The following RFX2 variants were observed in gnomAD, a reference collection of about 807,000 sequenced individuals.
RFX2 encodes DNA-binding protein RFX2.
In RFX2, 20 loss-of-function variants were observed where a neutral mutation model predicts 87.8. The observed-to-expected ratio is 0.23, with a 90% CI of 0.16 to 0.33. RFX2 has a LOEUF of 0.33. RFX2 is among the 10% of genes least tolerant of loss of function. The probability of loss-of-function intolerance (pLI) is 1.00; values close to 1 mark genes in which losing one functional copy is unlikely to be tolerated. For missense variants in RFX2, 767 were observed against 1,012.3 expected, an observed-to-expected ratio of 0.76 and a Z score of 3.29; for synonymous variants, 397 against 431.3, an observed-to-expected ratio of 0.92 and a Z score of 0.98.
At chr19:6,107,478 G>T (rs939451182) in intron 1 of RFX2, among the ~76,000 whole-genome samples, 2 of 151,810 alleles carry the variant, frequency 1.3e-5, no homozygotes, top group African/African-American at 4.8e-5. Context: ...TTAGCCGGGT[G>T]TGGGGGTGCA....
rs1281185544 is a variant in RFX2 at position 6,050,154 on chromosome 19, T to A, written c.-8-2650A>T. 3.3e-5 allele frequency among the ~76,000 whole-genome samples: 5 copies of A among 152,136 alleles called. No homozygotes were observed. Among genetic ancestry groups the A allele is most frequent in the Admixed American group, 3.3e-4 (5 of 15,268 alleles). On this transcript the variant is annotated intron_variant, in intron 1 of 17. Coordinates refer to ENST00000303657, the MANE Select transcript of RFX2 (RefSeq NM_000635.4). The surrounding 1 kb of genome is among the most constrained non-coding windows in gnomAD (Gnocchi z 4.6). ...AACCAGCAGTGCAAAGATAAAAAAATTAAGTGAAGATTTCAGCTGCTGCCT... is the reference window on the plus strand; with the variant it reads ...AACCAGCAGTGCAAAGATAAAAAAAATAAGTGAAGATTTCAGCTGCTGCCT...
At chr19:5,995,087 C>T (rs1024387813) in intron 17 of RFX2, 137 bp from the exon 18 acceptor site, 21 of 685,380 alleles carry the variant, frequency 3.1e-5, no homozygotes, top group East Asian at 8.2e-5. Flanking sequence ...GACCCCACCT[C>T]GGCCTCTGCT....
Position 5,994,654 on chromosome 19 carries a change from G to A in RFX2, c.*181C>T. 1 of 592,410 alleles carries A rather than the reference G, an allele frequency of 1.7e-6. No individual in the cohort carries two copies. Among genetic ancestry groups the A allele is most frequent in the Non-Finnish European group, 3.0e-6 (1 of 331,506 alleles). The allele number at this position is 592,410 out of a possible 1,614,324, so 36.7% of individuals were successfully genotyped here. A position where few individuals can be genotyped will look rare whatever the true frequency, so the allele number is the denominator to read the frequency against. On this transcript the variant is annotated 3_prime_UTR_variant, in exon 18 of 18. Coordinates refer to ENST00000303657, the MANE Select transcript of RFX2 (RefSeq NM_000635.4). ...ACAGCCAGTGGGAGCCCTGGCCTGG[G>A]CTTCTGTAGCTTCAACAACTGCTTT...
At position 6,002,681 on chromosome 19, in the gene RFX2, C is replaced by T. The variant is rs750817145; in HGVS notation, c.1650+40G>A. On this transcript the variant is annotated intron_variant, in intron 14 of 17. Coordinates refer to ENST00000303657, the MANE Select transcript of RFX2 (RefSeq NM_000635.4). The surrounding 1 kb of genome is among the most constrained non-coding windows in gnomAD (Gnocchi z 6.7). The stretch of plus-strand genomic sequence containing the variant: ...TGGGTTTGCTGGTTTTGCTGGAGGG[C>T]GGGAAGCCCGGGCCCTGGGGACGGT... The T allele has an allele frequency of 1.3e-5, 21 of 1,605,270 alleles. No homozygotes were observed. Among genetic ancestry groups the T allele is most frequent in the East Asian group, 2.2e-5 (1 of 44,754 alleles).
intron 1 of RFX2, among the ~76,000 whole-genome samples, chr19:6,084,727 T>TG (rs772494279): frequency 8.6e-5 from 13 of 151,296 alleles, no homozygotes; most frequent in Admixed American, 2.0e-4. Context: ...CTCTGCCTCC[T>TG]GGGTTCAAGT....
intron 5 of RFX2, among the ~76,000 whole-genome samples, chr19:6,037,043 G>C (rs1195315359): frequency 6.6e-6 from 1 of 152,162 alleles, no homozygotes; most frequent in Admixed American, 6.5e-5. Flanking sequence ...CCAGCACTTT[G>C]GGAGGCCGAG....
chr19:6,000,132 C>G (rs941872525), intron 15 of RFX2, among the ~76,000 whole-genome samples: 4 of 151,980 alleles, frequency 2.6e-5, no homozygotes, highest in Non-Finnish European at 4.4e-5. Flanking sequence ...TTTCAGGTGC[C>G]CACCACCACG....
rs547020237 is a variant in RFX2, at chr19:6,023,564, C to T, written c.597+2599G>A. Among the ~76,000 whole-genome samples, 5 of 152,270 alleles carry T rather than the reference C, an allele frequency of 3.3e-5. No individual in the cohort carries two copies. Among genetic ancestry groups the T allele is most frequent in the Admixed American group, 1.3e-4 (2 of 15,302 alleles). On this transcript the variant is annotated intron_variant, in intron 6 of 17. Coordinates refer to ENST00000303657, the MANE Select transcript of RFX2 (RefSeq NM_000635.4). The surrounding 1 kb of genome is among the most constrained non-coding windows in gnomAD (Gnocchi z 4.9). ...TTCCTTTGCTTCGAGTCACCAAGCC[C>T]GGAATCTTACTGATCACAGCTCATG...
Position 6,063,612 on chromosome 19 carries a change from A to T in RFX2, c.-8-16108T>A, listed in dbSNP as rs1203178912. On this transcript the variant is annotated intron_variant, in intron 1 of 17. Transcript: ENST00000303657. This position sits in a 1 kb window ranked among gnomAD's most constrained non-coding sequence, Gnocchi z 4.0. ...GTTGAAGAAGGAGGGAGGCAGAGAGACAGCAGCCAGCAGCTCCAAAGGGGA... is the reference window on the plus strand; with the variant it reads ...GTTGAAGAAGGAGGGAGGCAGAGAGTCAGCAGCCAGCAGCTCCAAAGGGGA... Among the ~76,000 whole-genome samples the T allele has an allele frequency of 6.6e-6, 1 of 152,160 alleles. No individual in the cohort carries two copies. Among genetic ancestry groups the T allele is most frequent in the Non-Finnish European group, 1.5e-5 (1 of 67,996 alleles).
At chr19:6,048,651 A>T (rs17842398) in intron 1 of RFX2, among the ~76,000 whole-genome samples, 2,136 of 152,288 alleles carry the variant, frequency 0.014, 39 homozygotes, top group African/African-American at 0.048. Context: ...AGAACACAAT[A>T]GACATTTGCT....
At chr19:6,089,124 G>A (rs1304693575) in intron 1 of RFX2, among the ~76,000 whole-genome samples, 1 of 152,196 alleles carries the variant, frequency 6.6e-6, no homozygotes, top group Non-Finnish European at 1.5e-5. Context: ...GGGCTAGTTT[G>A]CCCACTCTGT....
chr19:6,039,831 C>G lies in RFX2; in HGVS notation c.522+149G>C, dbSNP rs958528875. 4 of 918,322 alleles carry G rather than the reference C, an allele frequency of 4.4e-6. No homozygotes were observed. The Admixed American group carries it at 1.2e-4, about 28-fold the overall frequency. 56.9% of individuals were successfully genotyped at this position (918,322 alleles called of 1,614,324 possible). ...CTATGGTTGCGTGGCCCGTCTGAGG[C>G]TGGCCCGACTCCATCGTGGGGCCGC... On this transcript the variant is annotated intron_variant, in intron 5 of 17. Coordinates refer to ENST00000303657, the MANE Select transcript of RFX2 (RefSeq NM_000635.4). This position sits in a 1 kb window ranked among gnomAD's most constrained non-coding sequence, Gnocchi z 5.2.
At chr19:6,062,980 T>C (rs2144813019) in intron 1 of RFX2, among the ~76,000 whole-genome samples, 1 of 152,238 alleles carries the variant, frequency 6.6e-6, no homozygotes, top group African/African-American at 2.4e-5. Flanking sequence ...CAGAGACCAA[T>C]GTCACCTGTC....
rs916259966 is a variant in RFX2, at chr19:6,027,695, T to G, written c.523-1458A>C. 6.6e-6 allele frequency among the ~76,000 whole-genome samples: 1 copy of G among 152,204 alleles called. No individual in the cohort carries two copies. The highest frequency in any genetic ancestry group is 6.5e-5 in the Admixed American group (1 of 15,284). On this transcript the variant is annotated intron_variant, in intron 5 of 17. Transcript: ENST00000303657. This position sits in a 1 kb window ranked among gnomAD's most constrained non-coding sequence, Gnocchi z 5.0. Reference sequence around the variant, plus strand: ...AACATAGTGGGTCTCAATCATTTGGTCTATTAAAAAATACACTATTACAAA... The same window carrying G: ...AACATAGTGGGTCTCAATCATTTGGGCTATTAAAAAATACACTATTACAAA...
At chr19:6,097,579 TTTATTA>T (rs2088048153) in intron 1 of RFX2, among the ~76,000 whole-genome samples, 1 of 150,570 alleles carries the variant, frequency 6.6e-6, no homozygotes, top group Admixed American at 6.6e-5. Context: ...ATGGCAACCC[TTTATTA>T]TTATTAATTA....
At position 5,994,939 on chromosome 19, in the gene RFX2, C is replaced by T. The variant is rs752898255; in HGVS notation, c.2068G>A (p.Asp690Asn). Residue 690 changes from aspartate (D) to asparagine (N), a missense_variant, in exon 18 of 18, where the codon GAT becomes AAT. Physicochemically the swap from Asp to Asn is conservative, Grantham distance 23 (BLOSUM62 1). Coordinates refer to ENST00000303657, the MANE Select transcript of RFX2 (RefSeq NM_000635.4). ...CCCGCCTCGCTGCCACGCTGCTCAT[C>T]GCCCATGTCATCTGCGGAGGGAGGG... ...LTLLDKDDMG[D>N]EQRGSEAGPD... 6.2e-6 allele frequency: 10 copies of T among 1,606,908 alleles called. No individual in the cohort carries two copies. The African/African-American group carries it at 8.0e-5, about 13-fold the overall frequency.
chr19:6,051,793 A>C (rs1430094480), intron 1 of RFX2, among the ~76,000 whole-genome samples: 1 of 152,240 alleles, frequency 6.6e-6, no homozygotes, highest in Non-Finnish European at 1.5e-5. Context: ...CCCTAAAAGA[A>C]ACCCTCCTTA....
rs554480518 is a variant in RFX2 at position 6,016,017 on chromosome 19, C to A, written c.779+73G>T. 9 of 1,423,726 alleles carry A rather than the reference C, an allele frequency of 6.3e-6. No homozygotes were observed. The highest frequency in any genetic ancestry group is 6.6e-6 in the Non-Finnish European group (7 of 1,055,542). The allele number at this position is 1,423,726 out of a possible 1,614,324, so 88.2% of individuals were successfully genotyped here. On this transcript the variant is annotated intron_variant, in intron 7 of 17. Coordinates refer to ENST00000303657, the MANE Select transcript of RFX2 (RefSeq NM_000635.4). The surrounding 1 kb of genome is among the most constrained non-coding windows in gnomAD (Gnocchi z 5.4). ...CCACCTGGAAAGGAGGAGGAAGCCT[C>A]GCATTTTCCCAAAAGCTCCATTTCT...
In RFX2 at chr19:6,011,134, T is replaced by TAA. The variant is rs1568504853; in HGVS notation, c.900-885_900-884dup. Among the ~76,000 whole-genome samples the TAA allele has an allele frequency of 2.2e-5, 3 of 135,822 alleles. No homozygotes were observed. The highest frequency in any genetic ancestry group is 1.1e-4 in the African/African-American group (3 of 26,484). The allele number at this position is 135,822 out of a possible 152,430, so 89.1% of individuals were successfully genotyped here. A position where few individuals can be genotyped will look rare whatever the true frequency, so the allele number is the denominator to read the frequency against. ...TCGGTCTCAAAAAAAATAAATAAAT[T>TAA]AATTAAAATAAAATAAAATAAAATA... On this transcript the variant is annotated intron_variant, in intron 8 of 17. Transcript: ENST00000303657. The surrounding 1 kb of genome is among the most constrained non-coding windows in gnomAD (Gnocchi z 4.8).
Sources: allele counts gnomAD v4.1 joint callset (sites outside exome capture counted in the v4.1 genomes callset), GRCh38; gene constraint gnomAD v4.1.1; non-coding constraint Gnocchi (gnomAD v3.1); transcripts MANE v1.5; gene names NCBI Gene and HGNC (gene_info 2026-07-23, HGNC 2026-07-21).